TRPC7: variants seen among roughly 807,000 people sequenced by gnomAD.
The protein encoded by TRPC7 is short transient receptor potential channel 7.
TRPC7 carries 42 observed loss-of-function variants against 90.1 expected under a neutral mutation model. The observed-to-expected ratio is 0.47, with a 90% CI of 0.36 to 0.60. TRPC7 has a LOEUF of 0.60. Among genes scored for constraint, TRPC7 ranks in the 20% least tolerant of loss-of-function variants. The probability of loss-of-function intolerance (pLI) is 0.00; values close to 1 mark genes in which losing one functional copy is unlikely to be tolerated. For missense variants in TRPC7, 955 were observed against 1,112.3 expected (o/e 0.86, Z 2.01); for synonymous variants, 451 against 436.3 (o/e 1.03, Z -0.42).
At chr5:136,328,975 C>T (rs762020418) in intron 2 of TRPC7, among the ~76,000 whole-genome samples, 52 of 152,206 alleles carry the variant, frequency 3.4e-4, no homozygotes, top group African/African-American at 1.0e-3. Context: ...GGCGCCTGGA[C>T]GCTGAACACT....
At chr5:136,241,800 C>A (rs944420546) in intron 7 of TRPC7, among the ~76,000 whole-genome samples, 1 of 152,222 alleles carries the variant, frequency 6.6e-6, no homozygotes, top group Non-Finnish European at 1.5e-5. Flanking sequence ...AAGTGATCCA[C>A]CTGCCTTGGC....
intron 4 of TRPC7, among the ~76,000 whole-genome samples, chr5:136,271,534 A>G (rs892557520): frequency 4.6e-5 from 7 of 152,234 alleles, no homozygotes; most frequent in Non-Finnish European, 8.8e-5. Flanking sequence ...AGGCAGCTAT[A>G]AAGACCCTTT....
chr5:136,315,851 G>T, intron 2 of TRPC7, 72 bp from the exon 3 acceptor site: 4 of 1,447,258 alleles, frequency 2.8e-6, no homozygotes, highest in South Asian at 2.6e-5. Flanking sequence ...GCATAGCAGT[G>T]TCGATCAGCA....
At chr5:136,295,127 G>A (rs1422229446) in intron 3 of TRPC7, among the ~76,000 whole-genome samples, 8 of 151,890 alleles carry the variant, frequency 5.3e-5, no homozygotes, top group Admixed American at 1.3e-4. Flanking sequence ...ATCACACACC[G>A]GGGCCTGTTG....
At chr5:136,222,988 G>C (rs1012465882) in intron 10 of TRPC7, among the ~76,000 whole-genome samples, 1 of 152,232 alleles carries the variant, frequency 6.6e-6, no homozygotes. Context: ...GTGAGCAGAT[G>C]ATGACTCAGG....
chr5:136,224,353 GC>G (rs1187361638), intron 10 of TRPC7, among the ~76,000 whole-genome samples: 4 of 152,188 alleles, frequency 2.6e-5, no homozygotes, highest in Non-Finnish European at 4.4e-5. Flanking sequence ...CAAAAGCAAT[GC>G]AAGGATTGGA....
rs540282226 is a variant in TRPC7, at chr5:136,303,659, G to C, written c.963+11938C>G. ...ATTCCTCCTAAGCCGTGTCCCATCT[G>C]TGTGGGACCCCACTGAAAATCAGAC... On this transcript the variant is annotated intron_variant, in intron 3 of 11. Transcript: ENST00000513104. 296 of 152,084 alleles carry C rather than the reference G, an allele frequency of 1.9e-3. 1 individual carries two copies. The highest frequency in any genetic ancestry group is 6.5e-3 in the African/African-American group (270 of 41,466). 9.4% of individuals were successfully genotyped at this position (152,084 alleles called of 1,614,324 possible). A position where few individuals can be genotyped will look rare whatever the true frequency, so the allele number is the denominator to read the frequency against.
chr5:136,219,541 G>C (rs1207413280), intron 10 of TRPC7, among the ~76,000 whole-genome samples: 1 of 152,176 alleles, frequency 6.6e-6, no homozygotes, highest in Non-Finnish European at 1.5e-5. Context: ...TGAGGTGGGT[G>C]GGTCACTTGA....
At chr5:136,233,289 C>T (rs959946648) in intron 7 of TRPC7, among the ~76,000 whole-genome samples, 1 of 152,098 alleles carries the variant, frequency 6.6e-6, no homozygotes, top group Non-Finnish European at 1.5e-5. Context: ...TTATAAGCAA[C>T]GACAGGGTAT....
chr5:136,272,991 T>A (rs961696009), intron 4 of TRPC7, among the ~76,000 whole-genome samples: 1 of 152,184 alleles, frequency 6.6e-6, no homozygotes, highest in African/African-American at 2.4e-5. Flanking sequence ...TCTTTCTGAG[T>A]CTTTTCCCAG....
chr5:136,315,176 C>G (rs1758968833), intron 3 of TRPC7, among the ~76,000 whole-genome samples: 1 of 152,222 alleles, frequency 6.6e-6, no homozygotes, highest in South Asian at 2.1e-4. Context: ...ATTTTCTACA[C>G]AACTAGTCCT....
chr5:136,265,058 T>C (rs1477672952), intron 5 of TRPC7, among the ~76,000 whole-genome samples: 1 of 152,228 alleles, frequency 6.6e-6, no homozygotes, highest in Admixed American at 6.5e-5. Flanking sequence ...TCTCTAGTGG[T>C]TCTACTCTTG....
rs139482169 is a variant in TRPC7 at position 136,231,565 on chromosome 5, C to A, written c.1845-16G>T. 14 of 1,574,738 alleles carry A rather than the reference C, an allele frequency of 8.9e-6. No individual in the cohort carries two copies. In the East Asian group the frequency reaches 3.2e-4, roughly 36 times the overall value. ...TTCTTCAACCCTGCAAAGAAACAGA[C>A]GGTCCTTTTACGCAGTTTGCATCAG... On this transcript the variant is annotated splice_polypyrimidine_tract_variant and intron_variant, in intron 7 of 11. Coordinates refer to ENST00000513104, the MANE Select transcript of TRPC7 (RefSeq NM_020389.3).
intron 1 of TRPC7, among the ~76,000 whole-genome samples, chr5:136,358,204 C>A (rs1405572036): frequency 2.6e-5 from 4 of 152,086 alleles, no homozygotes; most frequent in Non-Finnish European, 5.9e-5. Flanking sequence ...GAGAATTCAG[C>A]CTTAGCTTCT....
At chr5:136,268,514 G>A (rs529515753) in intron 4 of TRPC7, among the ~76,000 whole-genome samples, 175 of 152,162 alleles carry the variant, frequency 1.2e-3, no homozygotes, top group Non-Finnish European at 1.9e-3. Flanking sequence ...GAGGATATGG[G>A]GTATACCTCT....
At chr5:136,226,409 A>G in intron 8 of TRPC7, 154 bp from the exon 9 acceptor site, 1 of 625,446 alleles carries the variant, frequency 1.6e-6, no homozygotes, top group Non-Finnish European at 2.8e-6. Flanking sequence ...AGAGAAGGGG[A>G]GTTTGCTCTC....
chr5:136,290,760 G>A (rs1757916235), intron 3 of TRPC7, among the ~76,000 whole-genome samples: 1 of 152,140 alleles, frequency 6.6e-6, no homozygotes, highest in Admixed American at 6.5e-5. Flanking sequence ...AGCAAGGCAG[G>A]CCAACATTCA....
intron 3 of TRPC7, among the ~76,000 whole-genome samples, chr5:136,306,342 A>C (rs344828): frequency 0.63 from 96,437 of 151,900 alleles, 31,274 homozygotes; most frequent in African/African-American, 0.78. Flanking sequence ...TAATTCTTCA[A>C]GACAAATTTT....
chr5:136,231,688 C>G, intron 7 of TRPC7, 139 bp from the exon 8 acceptor site: 4 of 755,194 alleles, frequency 5.3e-6, no homozygotes, highest in Non-Finnish European at 8.3e-6. Flanking sequence ...CACTCTAGCC[C>G]TGACCTCCTG....
Sources: allele counts gnomAD v4.1 joint callset (sites outside exome capture counted in the v4.1 genomes callset), GRCh38; gene constraint gnomAD v4.1.1; transcripts MANE v1.5; gene names NCBI Gene and HGNC (gene_info 2026-07-23, HGNC 2026-07-21).